CNGB3: variants seen among roughly 807,000 people sequenced by gnomAD.
The protein encoded by CNGB3 is cyclic nucleotide-gated channel beta-3.
CNGB3 carries 86 observed loss-of-function variants against 92.8 expected under a neutral mutation model. The ratio of observed to expected loss-of-function variants is 0.93; its 90% CI spans 0.78 to 1.11. The LOEUF (loss-of-function observed/expected upper bound fraction) is 1.11, where lower values mean the gene tolerates loss of function less well. Ranked by LOEUF, CNGB3 falls within the 50% of genes least tolerant of loss-of-function variation. The pLI is 0.00. For missense variants in CNGB3, 1,026 were observed against 956.8 expected (o/e 1.07, Z -0.95); for synonymous variants, 333 against 332.7 (o/e 1.00, Z -0.01).
At chr8:86,626,975 A>T (rs1822861622) in intron 12 of CNGB3, among the ~76,000 whole-genome samples, 1 of 151,922 alleles carries the variant, frequency 6.6e-6, no homozygotes, top group South Asian at 2.1e-4. Flanking sequence ...GTACCTATTC[A>T]TCGTTTTTCC....
At chr8:86,640,689 T>G (rs1823165515) in intron 10 of CNGB3, among the ~76,000 whole-genome samples, 1 of 152,110 alleles carries the variant, frequency 6.6e-6, no homozygotes, top group South Asian at 2.1e-4. Flanking sequence ...TTAAGATCAT[T>G]AAAATAAATT....
intron 3 of CNGB3, among the ~76,000 whole-genome samples, chr8:86,699,432 T>G (rs315966): frequency 0.2 from 30,995 of 152,060 alleles, 3,359 homozygotes; most frequent in Middle Eastern, 0.37. Flanking sequence ...AGGTGAGGAG[T>G]TTGAGACCAG....
At chr8:86,615,883 T>C (rs950954042) in intron 13 of CNGB3, among the ~76,000 whole-genome samples, 1 of 152,098 alleles carries the variant, frequency 6.6e-6, no homozygotes, top group East Asian at 1.9e-4. Flanking sequence ...GGAGAACTGA[T>C]GAAACTTCAA....
At chr8:86,580,058 C>T (rs889798510) in intron 15 of CNGB3, among the ~76,000 whole-genome samples, 5 of 152,056 alleles carry the variant, frequency 3.3e-5, no homozygotes, top group East Asian at 1.9e-4. Flanking sequence ...AGGAAACATA[C>T]GGTCATGGTG....
At chr8:86,680,983 G>A (rs764123376) in intron 3 of CNGB3, among the ~76,000 whole-genome samples, 7 of 152,050 alleles carry the variant, frequency 4.6e-5, no homozygotes, top group South Asian at 2.1e-4. Flanking sequence ...CAAGGTAAAC[G>A]GCTCCTACGC....
At chr8:86,695,821 T>C (rs1448857930) in intron 3 of CNGB3, among the ~76,000 whole-genome samples, 1 of 152,214 alleles carries the variant, frequency 6.6e-6, no homozygotes, top group Non-Finnish European at 1.5e-5. Flanking sequence ...GTTCAGATTC[T>C]GTTGTCCCAT....
At chr8:86,617,597 A>G (rs13249366) in intron 13 of CNGB3, among the ~76,000 whole-genome samples, 31,150 of 152,114 alleles carry the variant, frequency 0.2, 3,746 homozygotes, top group Admixed American at 0.36. Context: ...AAGTGCTGTG[A>G]TGTCATAATT....
At chr8:86,726,510 T>G (rs1377105630) in intron 3 of CNGB3, 21 bp downstream of exon 3, 3 of 1,613,444 alleles carry the variant, frequency 1.9e-6, no homozygotes, top group South Asian at 1.1e-5. Flanking sequence ...AAATATGTTG[T>G]GTGTTTTATT....
chr8:86,590,289 A>T (rs1252904536), intron 15 of CNGB3, among the ~76,000 whole-genome samples: 3 of 151,806 alleles, frequency 2.0e-5, no homozygotes, highest in Non-Finnish European at 4.4e-5. Context: ...TTGACTCTTT[A>T]TCCAATTTGC....
chr8:86,593,483 T>A (rs922968683), intron 15 of CNGB3, among the ~76,000 whole-genome samples: 14 of 152,372 alleles, frequency 9.2e-5, no homozygotes, highest in South Asian at 2.1e-4. Flanking sequence ...AAGTTTTTTT[T>A]AAAAGTAAAT....
At chr8:86,675,684 C>G (rs1198438993) in intron 3 of CNGB3, among the ~76,000 whole-genome samples, 1 of 152,116 alleles carries the variant, frequency 6.6e-6, no homozygotes, top group African/African-American at 2.4e-5. Context: ...TTGCAGATGT[C>G]AGTCACAAAA....
chr8:86,643,674 T>C lies in CNGB3; in HGVS notation c.1178+77A>G, dbSNP rs897774061. 112 of 1,493,860 alleles carry C rather than the reference T, an allele frequency of 7.5e-5. 1 individual carries two copies. Among genetic ancestry groups the C allele is most frequent in the Middle Eastern group, 1.8e-4 (1 of 5,704 alleles). The allele number at this position is 1,493,860 out of a possible 1,614,324, so 92.5% of individuals were successfully genotyped here. On this transcript the variant is annotated intron_variant, in intron 10 of 17. Transcript: ENST00000320005. ...TGGGTTATGACAGCTTCAAAAACAC[T>C]GGCTCTCATAAATTCATACAATGAA... is the stretch of plus-strand genomic sequence containing the variant.
intron 7 of CNGB3, among the ~76,000 whole-genome samples, chr8:86,653,017 C>T (rs1823436318): frequency 6.6e-6 from 1 of 152,050 alleles, no homozygotes; most frequent in African/African-American, 2.4e-5. Context: ...GTGAATAACA[C>T]ATTGCACTGT....
intron 6 of CNGB3, among the ~76,000 whole-genome samples, chr8:86,657,153 C>A (rs898127276): frequency 3.3e-5 from 5 of 152,200 alleles, no homozygotes; most frequent in African/African-American, 9.6e-5. Flanking sequence ...AATAAATCAA[C>A]CCTATGAGCC....
chr8:86,721,864 T>C (rs1401330524), intron 3 of CNGB3, among the ~76,000 whole-genome samples: 1 of 152,322 alleles, frequency 6.6e-6, no homozygotes, highest in Non-Finnish European at 1.5e-5. Context: ...TGATTCTTGC[T>C]TTTTCTAGCT....
intron 15 of CNGB3, among the ~76,000 whole-genome samples, chr8:86,595,567 G>A (rs1822153348): frequency 6.6e-6 from 1 of 152,160 alleles, no homozygotes; most frequent in South Asian, 2.1e-4. Context: ...TCTTAACACA[G>A]GTAGTGCTTA....
At chr8:86,692,419 C>T (rs1824337346) in intron 3 of CNGB3, among the ~76,000 whole-genome samples, 1 of 152,136 alleles carries the variant, frequency 6.6e-6, no homozygotes, top group African/African-American at 2.4e-5. Context: ...GTGTTAAGTA[C>T]ATATATATTT....
intron 6 of CNGB3, chr8:86,661,600 C>A (rs955921143): frequency 1.5e-5 from 12 of 781,100 alleles, no homozygotes; most frequent in African/African-American, 1.4e-4. Context: ...CATCCTCCAA[C>A]TTTTTCCCAC....
intron 15 of CNGB3, among the ~76,000 whole-genome samples, chr8:86,602,786 T>A (rs1250260120): frequency 5.3e-5 from 8 of 152,226 alleles, no homozygotes; most frequent in African/African-American, 1.9e-4. Context: ...CACATAGCTG[T>A]TGAAGTCGTC....
Sources: gnomAD v4.1 joint callset for allele counts (sites outside exome capture counted in the v4.1 genomes callset) on GRCh38, gnomAD v4.1.1 for gene constraint, MANE v1.5 for transcripts, NCBI Gene and HGNC (gene_info 2026-07-23, HGNC 2026-07-21) for gene names.